The following GARRE1 variants were observed in gnomAD, a reference collection of about 807,000 sequenced individuals.
The protein encoded by GARRE1 is granule associated Rac and RHOG effector 1.
Under a neutral mutation model 103.2 loss-of-function variants are expected in GARRE1, and 49 were observed. The observed-to-expected ratio is 0.47, with a 90% CI of 0.38 to 0.60. GARRE1 has a LOEUF of 0.60. Among genes scored for constraint, GARRE1 ranks in the 20% least tolerant of loss-of-function variants. The pLI, the probability that GARRE1 is intolerant of heterozygous loss-of-function variation, is 0.00. For synonymous variants in GARRE1, 505 were observed against 532.8 expected (o/e 0.95, Z 0.72); for missense variants, 1,199 against 1,370.5 (o/e 0.87, Z 1.98).
At chr19:34,254,869 C>G (rs2073660694) in intron 1 of GARRE1, among the ~76,000 whole-genome samples, 1 of 150,338 alleles carries the variant, frequency 6.7e-6, no homozygotes, top group East Asian at 1.9e-4. Context: ...GAACCCGGGA[C>G]CTGGGGGCGC....
At chr19:34,351,397 T>G in intron 12 of GARRE1, 117 bp from the exon 13 acceptor site, 1 of 791,860 alleles carries the variant, frequency 1.3e-6, no homozygotes, top group South Asian at 1.5e-5. Flanking sequence ...CAGGCAGGCC[T>G]CCTCCCCTCC....
rs761283498 is a variant in GARRE1, at chr19:34,339,945, C to G, written c.1440C>G (p.Asp480Glu). ...LDPEKTLGLV[D>E]VLYTAVLDLN... ...CTGAGAAGACCCTGGGTCTAGTGGACGTGCTCTACACAGCTGTGCTGGACC... is the reference window on the plus strand; with the variant it reads ...CTGAGAAGACCCTGGGTCTAGTGGAGGTGCTCTACACAGCTGTGCTGGACC... The change falls in exon 9 of 14, where the codon GAC (aspartate) becomes GAG (glutamate). Residue 480 changes from aspartate (D) to glutamate (E), a missense_variant. Physicochemically the swap from Asp to Glu is conservative, Grantham distance 45 (BLOSUM62 2). Coordinates refer to ENST00000299505, the MANE Select transcript of GARRE1 (RefSeq NM_014686.5). 1 of 1,614,142 alleles carries G rather than the reference C, an allele frequency of 6.2e-7. No homozygotes were observed.
chr19:34,307,948 A>G (rs2074018495), intron 2 of GARRE1, among the ~76,000 whole-genome samples: 1 of 151,180 alleles, frequency 6.6e-6, no homozygotes, highest in Admixed American at 6.6e-5. Flanking sequence ...AGTATGTATC[A>G]CTGGGCCTGG....
intron 1 of GARRE1, among the ~76,000 whole-genome samples, chr19:34,290,498 T>TTC (rs889554137): frequency 5.3e-5 from 8 of 151,738 alleles, no homozygotes; most frequent in East Asian, 1.9e-4. Context: ...AAGCCTTTTT[T>TTC]TCTCTCTCTC....
chr19:34,260,566 A>G (rs1011782591), intron 1 of GARRE1, among the ~76,000 whole-genome samples: 3 of 152,144 alleles, frequency 2.0e-5, no homozygotes, highest in African/African-American at 7.2e-5. Context: ...GTTTTAGGGT[A>G]CATGTGCACA....
At chr19:34,256,911 G>A (rs917092092) in intron 1 of GARRE1, among the ~76,000 whole-genome samples, 1 of 151,926 alleles carries the variant, frequency 6.6e-6, no homozygotes, top group African/African-American at 2.4e-5. Flanking sequence ...AAAGCAAAAA[G>A]TTTAGTTTAT....
intron 13 of GARRE1, 116 bp from the exon 14 acceptor site, chr19:34,352,531 G>A (rs1182406569): frequency 1.9e-5 from 15 of 806,902 alleles, no homozygotes; most frequent in South Asian, 1.4e-4. Flanking sequence ...GGGTGTGGGA[G>A]TGAGTGGGGC....
intron 1 of GARRE1, among the ~76,000 whole-genome samples, chr19:34,259,268 C>G (rs759520743): frequency 9.2e-5 from 14 of 152,232 alleles, no homozygotes; most frequent in Non-Finnish European, 1.8e-4. Flanking sequence ...ATCACATCTT[C>G]CTTCTTGATA....
Position 34,302,743 on chromosome 19 carries a change from T to G in GARRE1, c.495+1775T>G, listed in dbSNP as rs1392012123. Among the ~76,000 whole-genome samples, 66 of 149,952 alleles carry G rather than the reference T, an allele frequency of 4.4e-4. 1 individual carries two copies. The highest frequency in any genetic ancestry group is 7.3e-4 in the African/African-American group (30 of 40,866). On this transcript the variant is annotated intron_variant, in intron 2 of 13. Transcript: ENST00000299505. ...TTCTTGGGGTCTTTGATAGTTTTTTTTTTTTTTTTTTTTTTTTAAAAGACA... is the reference window on the plus strand; with the variant it reads ...TTCTTGGGGTCTTTGATAGTTTTTTGTTTTTTTTTTTTTTTTTAAAAGACA...
chr19:34,282,857 C>T (rs1326400236), intron 1 of GARRE1, among the ~76,000 whole-genome samples: 5 of 152,206 alleles, frequency 3.3e-5, no homozygotes, highest in African/African-American at 4.8e-5. Context: ...TCTTTTGGCC[C>T]TGCATGTTGT....
At chr19:34,327,047 C>T (rs1007401329) in intron 3 of GARRE1, among the ~76,000 whole-genome samples, 2 of 151,634 alleles carry the variant, frequency 1.3e-5, no homozygotes, top group African/African-American at 4.8e-5. Context: ...CCCAGCTACT[C>T]GGGAGGCTGA....
At chr19:34,259,148 A>T (rs2073697038) in intron 1 of GARRE1, among the ~76,000 whole-genome samples, 1 of 152,232 alleles carries the variant, frequency 6.6e-6, no homozygotes, top group Non-Finnish European at 1.5e-5. Flanking sequence ...AGCCCAAGCA[A>T]CAGAGCGAGA....
At chr19:34,317,433 C>T (rs1288217310) in intron 2 of GARRE1, among the ~76,000 whole-genome samples, 1 of 152,172 alleles carries the variant, frequency 6.6e-6, no homozygotes, top group East Asian at 1.9e-4. Flanking sequence ...CTTTTTCCTC[C>T]TCCTCCAGCT....
At position 34,276,977 on chromosome 19, in the gene GARRE1, C is replaced by T. The variant is rs368759502; in HGVS notation, c.-796+22363C>T. Among the ~76,000 whole-genome samples the T allele has an allele frequency of 3.2e-4, 49 of 152,066 alleles. 1 individual carries two copies. In the South Asian group the frequency reaches 8.7e-3, roughly 27 times the overall value. ...GACAGCATTGTAGGGGTGAGGTGAC[C>T]CTAGATTAGACAGGTTGGCTGCAGA... On this transcript the variant is annotated intron_variant, in intron 1 of 13. Coordinates refer to ENST00000299505, the MANE Select transcript of GARRE1 (RefSeq NM_014686.5).
At chr19:34,276,579 T>C (rs1265540680) in intron 1 of GARRE1, among the ~76,000 whole-genome samples, 2 of 152,134 alleles carry the variant, frequency 1.3e-5, no homozygotes, top group African/African-American at 4.8e-5. Flanking sequence ...ACATCAAGCC[T>C]GAGTGTGAGA....
At position 34,342,130 on chromosome 19, in the gene GARRE1, A is replaced by G. The variant is rs1451492085; in HGVS notation, c.2196A>G (p.Gln732=). 2 of 1,614,090 alleles carry G rather than the reference A, an allele frequency of 1.2e-6. No individual in the cohort carries two copies. Among genetic ancestry groups the G allele is most frequent in the Middle Eastern group, 1.6e-4 (1 of 6,062 alleles). The change falls in exon 10 of 14, where the codon CAA becomes CAG. Residue 732 remains glutamine (Q), a synonymous_variant. Coordinates refer to ENST00000299505, the MANE Select transcript of GARRE1 (RefSeq NM_014686.5). ...CAAAGCAGCAACAACCTCAAGTCCAATACTACCAACACCTACTCCAGCCCA... is the reference window on the plus strand; with the variant it reads ...CAAAGCAGCAACAACCTCAAGTCCAGTACTACCAACACCTACTCCAGCCCA... ...QSPKQQQPQV[Q]YYQHLLQPIG...
chr19:34,293,822 G>T (rs1346532827), intron 1 of GARRE1, among the ~76,000 whole-genome samples: 2 of 137,256 alleles, frequency 1.5e-5, no homozygotes, highest in Non-Finnish European at 3.0e-5. Context: ...GCAGTGGTGC[G>T]ATCTCAGCTC....
chr19:34,303,122 A>G (rs2073989189), intron 2 of GARRE1, among the ~76,000 whole-genome samples: 1 of 152,266 alleles, frequency 6.6e-6, no homozygotes, highest in Admixed American at 6.5e-5. Context: ...AGTTTCATTC[A>G]AAGTAAAGAT....
intron 4 of GARRE1, 64 bp from the exon 5 acceptor site, chr19:34,327,707 A>G (rs752803256): frequency 4.5e-5 from 68 of 1,521,086 alleles, no homozygotes; most frequent in Non-Finnish European, 5.6e-5. Flanking sequence ...TTCTATTTCC[A>G]TTGAACTTTG....
Sources: gnomAD v4.1 joint callset for allele counts (sites outside exome capture counted in the v4.1 genomes callset) on GRCh38, gnomAD v4.1.1 for gene constraint, MANE v1.5 for transcripts, NCBI Gene and HGNC (gene_info 2026-07-23, HGNC 2026-07-21) for gene names.